Variants in SLCO1B1 observed in about 807,000 individuals in gnomAD.
SLCO1B1 encodes the protein OATP-2.
SLCO1B1 carries 81 observed loss-of-function variants against 70.1 expected under a neutral mutation model. The observed-to-expected ratio is 1.16, with a 90% CI of 0.97 to 1.39. The LOEUF is 1.39. SLCO1B1 is among the 40% of genes most tolerant of loss of function. SLCO1B1 has a pLI of 0.00. For synonymous variants in SLCO1B1, 283 were observed against 271.5 expected, an observed-to-expected ratio of 1.04 and a Z score of -0.42; for missense variants, 895 against 799.6, an observed-to-expected ratio of 1.12 and a Z score of -1.44.
At chr12:21,182,953 T>A (rs1050583798) in intron 7 of SLCO1B1, among the ~76,000 whole-genome samples, 1 of 152,180 alleles carries the variant, frequency 6.6e-6, no homozygotes, top group African/African-American at 2.4e-5. Flanking sequence ...GGGAGCTCCA[T>A]GGCTCAGAAC....
At chr12:21,215,918 C>T (rs1032689576) in intron 11 of SLCO1B1, among the ~76,000 whole-genome samples, 1 of 151,994 alleles carries the variant, frequency 6.6e-6, no homozygotes. Context: ...GTTTCAATTA[C>T]TCTTTGTTCG....
At chr12:21,234,657 G>A (rs1941577493) in intron 14 of SLCO1B1, among the ~76,000 whole-genome samples, 1 of 152,076 alleles carries the variant, frequency 6.6e-6, no homozygotes, top group East Asian at 1.9e-4. Context: ...GTTTTGCAGT[G>A]AAAATTTCAT....
chr12:21,148,798 A>G (rs1346357618), intron 2 of SLCO1B1, among the ~76,000 whole-genome samples: 1 of 149,762 alleles, frequency 6.7e-6, no homozygotes, highest in Admixed American at 6.7e-5. Context: ...CATTGAATCT[A>G]TAAATTACTT....
chr12:21,186,678 G>GA (rs141172582), intron 7 of SLCO1B1, among the ~76,000 whole-genome samples: 2,681 of 150,172 alleles, frequency 0.018, 76 homozygotes, highest in African/African-American at 0.06. Flanking sequence ...CAAAAAAAGG[G>GA]AAAAAAAAAG....
chr12:21,191,277 C>A (rs1412073385), intron 7 of SLCO1B1, among the ~76,000 whole-genome samples: 2 of 151,938 alleles, frequency 1.3e-5, no homozygotes, highest in Non-Finnish European at 2.9e-5. Context: ...CACAGAATGT[C>A]TTTCTAATTA....
intron 2 of SLCO1B1, among the ~76,000 whole-genome samples, chr12:21,145,281 A>T (rs531565536): frequency 1.2e-4 from 19 of 152,120 alleles, no homozygotes; most frequent in Admixed American, 2.6e-4. Flanking sequence ...AACTCAATAA[A>T]TTGGAAAGTT....
chr12:21,141,926 T>C (rs112828745), intron 2 of SLCO1B1, among the ~76,000 whole-genome samples: 9 of 151,790 alleles, frequency 5.9e-5, no homozygotes, highest in African/African-American at 1.9e-4. Context: ...TGGTTTTGGA[T>C]TGATCACGAC....
rs1442428306 is a variant in SLCO1B1 at position 21,132,904 on chromosome 12, G to T, written c.-62+1668G>T. 2.6e-5 allele frequency among the ~76,000 whole-genome samples: 4 copies of T among 151,996 alleles called. No homozygotes were observed. In the East Asian group the frequency reaches 5.8e-4, roughly 22 times the overall value. On this transcript the variant is annotated intron_variant, in intron 1 of 14. Transcript: ENST00000256958. ...TTGGTGTTTTAGACATGAAGTCCTT[G>T]CCCATGCCTATGTCCTGAATGGTAT...
At chr12:21,222,627 A>G (rs1032794642) in intron 13 of SLCO1B1, among the ~76,000 whole-genome samples, 1 of 151,740 alleles carries the variant, frequency 6.6e-6, no homozygotes, top group South Asian at 2.1e-4. Context: ...CATAAAGTCA[A>G]TCTGTTAAGA....
chr12:21,155,246 C>G (rs2121066994), intron 2 of SLCO1B1, among the ~76,000 whole-genome samples: 1 of 151,756 alleles, frequency 6.6e-6, no homozygotes, highest in Admixed American at 6.6e-5. Context: ...TTATGTATAT[C>G]TTAACCTTTT....
chr12:21,236,753 T>C (rs1243584777), intron 14 of SLCO1B1, among the ~76,000 whole-genome samples: 2 of 152,156 alleles, frequency 1.3e-5, no homozygotes, highest in African/African-American at 2.4e-5. Context: ...TCTTTCTCAG[T>C]TTTTTATTTG....
In SLCO1B1 at chr12:21,172,749, T is replaced by G. The variant is rs144164853; in HGVS notation, c.184T>G (p.Ser62Ala). 6.2e-7 allele frequency: 1 copy of G among 1,613,434 alleles called. No homozygotes were observed. Among genetic ancestry groups the G allele is most frequent in the African/African-American group, 1.3e-5 (1 of 74,928 alleles). Residue 62 changes from serine (S) to alanine (A), a missense_variant, in exon 3 of 15, where the codon TCC becomes GCC. Coordinates refer to ENST00000256958, the MANE Select transcript of SLCO1B1 (RefSeq NM_006446.5). ...IIHIERRFEI[S>A]SSLVGFIDGS... Reference sequence around the variant, plus strand: ...TCATATAGAACGGAGATTTGAGATATCCTCTTCTCTTGTTGGTTTTATTGA... The same window carrying G: ...TCATATAGAACGGAGATTTGAGATAGCCTCTTCTCTTGTTGGTTTTATTGA...
At chr12:21,159,339 T>C (rs1193347944) in intron 2 of SLCO1B1, among the ~76,000 whole-genome samples, 1 of 152,152 alleles carries the variant, frequency 6.6e-6, no homozygotes, top group South Asian at 2.1e-4. Context: ...TCTAAAATTG[T>C]ATTTTAGAAA....
intron 2 of SLCO1B1, among the ~76,000 whole-genome samples, chr12:21,168,495 T>C (rs7139376): frequency 0.89 from 135,523 of 152,192 alleles, 60,434 homozygotes; most frequent in East Asian, 1. Context: ...TCATGAAAGC[T>C]GAACCATTTT....
intron 9 of SLCO1B1, among the ~76,000 whole-genome samples, chr12:21,201,863 T>A (rs12314902): frequency 0.012 from 1,758 of 152,180 alleles, 43 homozygotes; most frequent in South Asian, 0.04. Flanking sequence ...ATTCTTCTTT[T>A]TAAAAAGTAA....
intron 12 of SLCO1B1, among the ~76,000 whole-genome samples, chr12:21,221,537 C>A (rs753382779): frequency 3.9e-5 from 6 of 151,948 alleles, no homozygotes; most frequent in Non-Finnish European, 5.9e-5. Flanking sequence ...GGGCTAATAT[C>A]CTTAATCTAT....
intron 13 of SLCO1B1, among the ~76,000 whole-genome samples, chr12:21,223,938 T>C (rs1169903068): frequency 6.6e-6 from 1 of 152,190 alleles, no homozygotes; most frequent in African/African-American, 2.4e-5. Context: ...TGAAAAGCCT[T>C]GCATTCTGCT....
chr12:21,136,179 A>T (rs1015725462), intron 1 of SLCO1B1, among the ~76,000 whole-genome samples: 7 of 152,300 alleles, frequency 4.6e-5, no homozygotes, highest in African/African-American at 1.4e-4. Context: ...TCTGGCTTGT[A>T]GAGTTTCTGC....
At position 21,200,516 on chromosome 12, in the gene SLCO1B1, C is replaced by A; in HGVS notation, c.979C>A (p.Gln327Lys). ...NITKNVTGFF[Q>K]SFKSILTNPL... ...TTTTTACAATTTTACAGGTTTTTTC[C>A]AGTCTTTTAAAAGCATCCTTACTAA... The change falls in exon 9 of 15, where the codon CAG becomes AAG. Residue 327 changes from glutamine (Q) to lysine (K), a missense_variant. Physicochemically the swap from Gln to Lys is moderately conservative, Grantham distance 53. Transcript: ENST00000256958. The A allele has an allele frequency of 6.5e-7, 1 of 1,550,094 alleles. No individual in the cohort carries two copies. The highest frequency in any genetic ancestry group is 1.4e-5 in the African/African-American group (1 of 72,576).
Sources: allele counts gnomAD v4.1 joint callset (sites outside exome capture counted in the v4.1 genomes callset), GRCh38; gene constraint gnomAD v4.1.1; transcripts MANE v1.5; gene names NCBI Gene and HGNC (gene_info 2026-07-23, HGNC 2026-07-21).